The following MIGA1 variants were observed in gnomAD, a reference collection of about 807,000 sequenced individuals.
MIGA1 encodes the protein family with sequence similarity 73, member A.
A neutral mutation model predicts 82.0 loss-of-function variants in MIGA1; 58 were observed. The observed-to-expected ratio is 0.71, with a 90% CI of 0.57 to 0.88. The LOEUF is 0.88. Among genes scored for constraint, MIGA1 ranks in the 40% least tolerant of loss-of-function variants. MIGA1 has a pLI of 0.00. For missense variants in MIGA1, 751 were observed against 749.1 expected, an observed-to-expected ratio of 1.00 and a Z score of -0.03; for synonymous variants, 249 against 253.6, an observed-to-expected ratio of 0.98 and a Z score of 0.17.
rs996708628 is a variant in MIGA1, at chr1:77,858,145, G to A, written c.997-793G>A. ...CAGGCGGATCACTTGAGGCCAGTTC[G>A]AGACCAGCCTGGCCAACATGGCAAA... is the stretch of plus-strand genomic sequence containing the variant. On this transcript the variant is annotated intron_variant, in intron 8 of 15. Coordinates refer to ENST00000370791, the MANE Select transcript of MIGA1 (RefSeq NM_198549.4). Among the ~76,000 whole-genome samples, 8 of 152,036 alleles carry A rather than the reference G, an allele frequency of 5.3e-5. No homozygotes were observed. The East Asian group carries it at 7.7e-4, about 15-fold the overall frequency.
chr1:77,819,860 G>A (rs992903403), intron 7 of MIGA1, among the ~76,000 whole-genome samples: 1 of 151,968 alleles, frequency 6.6e-6, no homozygotes. Context: ...TGGATTACAG[G>A]TATGAGCCAC....
intron 9 of MIGA1, 128 bp downstream of exon 9, chr1:77,859,184 A>C: frequency 4.1e-6 from 4 of 980,798 alleles, no homozygotes; most frequent in Non-Finnish European, 6.4e-6. Flanking sequence ...TTATTTTTAC[A>C]TGTTCTGTCA....
chr1:77,826,784 A>T (rs1465322799), intron 7 of MIGA1, among the ~76,000 whole-genome samples: 3 of 151,328 alleles, frequency 2.0e-5, no homozygotes, highest in Non-Finnish European at 2.9e-5. Context: ...CTGGATTCTG[A>T]ATAAATTAAG....
chr1:77,792,175 TA>T (rs1386939092), intron 2 of MIGA1, among the ~76,000 whole-genome samples: 1 of 152,124 alleles, frequency 6.6e-6, no homozygotes, highest in Non-Finnish European at 1.5e-5. Context: ...GGAAGGGGTT[TA>T]AAAAGAGGAG....
chr1:77,869,673 A>G (rs1307049496), intron 14 of MIGA1, among the ~76,000 whole-genome samples: 2 of 119,496 alleles, frequency 1.7e-5, no homozygotes, highest in Admixed American at 7.8e-5. Flanking sequence ...CACCTCCCGG[A>G]CGGGGCGGCC....
intron 7 of MIGA1, among the ~76,000 whole-genome samples, chr1:77,826,868 A>T (rs61777143): frequency 6.0e-5 from 9 of 151,046 alleles, no homozygotes; most frequent in Non-Finnish European, 1.2e-4. Context: ...GCAGTGGCAC[A>T]TTCTTGGCTC....
At chr1:77,870,170 C>G (rs1685891448) in intron 14 of MIGA1, among the ~76,000 whole-genome samples, 2 of 102,766 alleles carry the variant, frequency 1.9e-5, no homozygotes, top group African/African-American at 7.0e-5. Flanking sequence ...GGCGGCCGGG[C>G]AGAGGAGCCC....
chr1:77,784,860 T>C (rs948145300), intron 2 of MIGA1, among the ~76,000 whole-genome samples: 28 of 152,088 alleles, frequency 1.8e-4, no homozygotes, highest in African/African-American at 6.3e-4. Context: ...GACAAGAGCT[T>C]GTGCAAAAAA....
rs1007301184 is a variant in MIGA1 at position 77,876,364 on chromosome 1, A to G, written c.*1300A>G. 3.9e-5 allele frequency: 6 copies of G among 152,254 alleles called. No homozygotes were observed. Among genetic ancestry groups the G allele is most frequent in the African/African-American group, 1.4e-4 (6 of 41,470 alleles). The allele number at this position is 152,254 out of a possible 1,614,324, so 9.4% of individuals were successfully genotyped here. On this transcript the variant is annotated 3_prime_UTR_variant, in exon 16 of 16. Transcript: ENST00000370791. ...TAAATGAATTGACATTGAGAAATTTACAATTTACAAATTTATATTAACTGT... is the reference window on the plus strand; with the variant it reads ...TAAATGAATTGACATTGAGAAATTTGCAATTTACAAATTTATATTAACTGT...
Position 77,803,270 on chromosome 1 carries a change from G to T in MIGA1, c.374G>T (p.Gly125Val). 6.6e-7 allele frequency: 1 copy of T among 1,510,510 alleles called. No homozygotes were observed. Among genetic ancestry groups the T allele is most frequent in the Non-Finnish European group, 8.9e-7 (1 of 1,128,476 alleles). 93.6% of individuals were successfully genotyped at this position (1,510,510 alleles called of 1,614,324 possible). ...TAATATTAGTATGTTTATTTGATAG[G>T]TTCAAGTTGTTCCAGTAGCAGACAG... Residue 125 changes from glycine to valine, a missense_variant and splice_region_variant, in exon 4 of 16, where the codon GGT (glycine) becomes GTT (valine). Gly to Val is a moderately radical substitution (Grantham distance 109, BLOSUM62 -3). Around this residue, in one of 3 missense-constraint regions of MIGA1, gnomAD observed 482 missense variants for 439.4 expected, o/e 1.10. Coordinates refer to ENST00000370791, the MANE Select transcript of MIGA1 (RefSeq NM_198549.4).
intron 1 of MIGA1, chr1:77,782,977 C>T (rs1383940510): frequency 6.6e-6 from 4 of 607,526 alleles, no homozygotes; most frequent in Non-Finnish European, 8.2e-6. Flanking sequence ...GGAAAATTTG[C>T]TACCCGGACT....
At chr1:77,804,835 G>T (rs530947962) in intron 4 of MIGA1, among the ~76,000 whole-genome samples, 3 of 151,676 alleles carry the variant, frequency 2.0e-5, no homozygotes, top group South Asian at 4.2e-4. Flanking sequence ...TACTATGTTG[G>T]CTAGGCTGGT....
At chr1:77,804,684 G>A (rs895005224) in intron 4 of MIGA1, among the ~76,000 whole-genome samples, 12 of 148,734 alleles carry the variant, frequency 8.1e-5, no homozygotes, top group African/African-American at 2.5e-4. Context: ...GCAGTGGCGC[G>A]ATGAGCTGGA....
intron 7 of MIGA1, among the ~76,000 whole-genome samples, chr1:77,828,350 A>C: frequency 6.6e-6 from 1 of 152,134 alleles, no homozygotes; most frequent in East Asian, 1.9e-4. Flanking sequence ...GGGTTGGGAC[A>C]TGAAGCTTTG....
At position 77,878,518 on chromosome 1, in the gene MIGA1, C is replaced by T. The variant is rs1414888476; in HGVS notation, c.*3454C>T. On this transcript the variant is annotated 3_prime_UTR_variant, in exon 16 of 16. Coordinates refer to ENST00000370791, the MANE Select transcript of MIGA1 (RefSeq NM_198549.4). ...AGTTTAGAGCCTTTTAGGGTAAACCCTGTTTAAACACTTAATCATGGAATT... is the reference window on the plus strand; with the variant it reads ...AGTTTAGAGCCTTTTAGGGTAAACCTTGTTTAAACACTTAATCATGGAATT... The T allele has an allele frequency of 4.4e-6, 1 of 225,756 alleles. No individual in the cohort carries two copies. The highest frequency in any genetic ancestry group is 8.5e-6 in the Non-Finnish European group (1 of 117,248). The allele number at this position is 225,756 out of a possible 1,614,324, so 14.0% of individuals were successfully genotyped here. A position where few individuals can be genotyped will look rare whatever the true frequency, so the allele number is the denominator to read the frequency against.
chr1:77,848,536 G>C, intron 8 of MIGA1: 4 of 1,288,750 alleles, frequency 3.1e-6, no homozygotes, highest in Admixed American at 2.2e-5. Context: ...TCTTGACCAA[G>C]AAAGATCCAA....
chr1:77,798,353 G>A (rs1682742953), intron 2 of MIGA1, among the ~76,000 whole-genome samples: 1 of 152,080 alleles, frequency 6.6e-6, no homozygotes, highest in South Asian at 2.1e-4. Flanking sequence ...ACCTGAGACT[G>A]GATAATTTAT....
chr1:77,843,698 A>G (rs1211489464), intron 8 of MIGA1, among the ~76,000 whole-genome samples: 4 of 152,180 alleles, frequency 2.6e-5, no homozygotes, highest in African/African-American at 9.6e-5. Flanking sequence ...CAATTTTTCA[A>G]CTTATATCAA....
chr1:77,822,349 T>G lies in MIGA1; in HGVS notation c.895+7118T>G, dbSNP rs1345197289. ...GCTGAGGCAGGAGCTTCACTTGAGCTCAGAAGTTCGAGGCTGTAGTGAGCT... is the reference window on the plus strand; with the variant it reads ...GCTGAGGCAGGAGCTTCACTTGAGCGCAGAAGTTCGAGGCTGTAGTGAGCT... On this transcript the variant is annotated intron_variant, in intron 7 of 15. Transcript: ENST00000370791. 3.3e-5 allele frequency among the ~76,000 whole-genome samples: 5 copies of G among 152,080 alleles called. No homozygotes were observed. In the East Asian group the frequency reaches 5.8e-4, roughly 18 times the overall value.
Sources: allele counts gnomAD v4.1 joint callset (sites outside exome capture counted in the v4.1 genomes callset), GRCh38; gene constraint gnomAD v4.1.1; regional missense constraint gnomAD v4.1.1; transcripts MANE v1.5; gene names NCBI Gene and HGNC (gene_info 2026-07-23, HGNC 2026-07-21).